CFAP74: variants seen among roughly 807,000 people sequenced by gnomAD.
CFAP74 encodes the protein cilia and flagella associated protein 74.
Under a neutral mutation model 188.9 loss-of-function variants are expected in CFAP74, and 124 were observed. The ratio of observed to expected loss-of-function variants is 0.66; its 90% confidence interval spans 0.57 to 0.76. The LOEUF is 0.76. Among genes scored for constraint, CFAP74 ranks in the 30% least tolerant of loss-of-function variants. CFAP74 has a pLI of 0.00. For missense variants in CFAP74, 2,198 were observed against 2,165.2 expected, an observed-to-expected ratio of 1.02 and a Z score of -0.30; for synonymous variants, 956 against 916.7, an observed-to-expected ratio of 1.04 and a Z score of -0.77.
chr1:1,952,068 C>T (rs1229592412), intron 18 of CFAP74, among the ~76,000 whole-genome samples: 1 of 152,206 alleles, frequency 6.6e-6, no homozygotes, highest in Non-Finnish European at 1.5e-5. Flanking sequence ...TCTCCTGTCT[C>T]AGCCTCCGGA....
At chr1:2,000,704 A>C (rs1658164565) in intron 1 of CFAP74, among the ~76,000 whole-genome samples, 1 of 151,776 alleles carries the variant, frequency 6.6e-6, no homozygotes, top group Admixed American at 6.6e-5. Context: ...CTCTGTGTGC[A>C]TTTGTATGTC....
chr1:1,941,626 G>C (rs989715332), intron 22 of CFAP74, among the ~76,000 whole-genome samples: 4 of 152,138 alleles, frequency 2.6e-5, no homozygotes, highest in African/African-American at 4.8e-5. Context: ...GACAGCGGGG[G>C]AGTGCACGGA....
rs541569399 is a variant in CFAP74 at position 1,957,772 on chromosome 1, G to A, written c.1852-988C>T. The stretch of plus-strand genomic sequence containing the variant: ...GCCGGAGCCTGGCTGTCTGCGGGGG[G>A]GCGGGGGACTTCCTGCTGCCCCTGG... On this transcript the variant is annotated intron_variant, in intron 16 of 38. Transcript: ENST00000682832. Among the ~76,000 whole-genome samples, 19 of 150,712 alleles carry A rather than the reference G, an allele frequency of 1.3e-4. No individual in the cohort carries two copies. In the East Asian group the frequency reaches 3.7e-3, roughly 30 times the overall value.
intron 20 of CFAP74, among the ~76,000 whole-genome samples, chr1:1,945,170 G>C (rs1558010308): frequency 6.6e-6 from 1 of 152,070 alleles, no homozygotes; most frequent in African/African-American, 2.4e-5. Flanking sequence ...AGCCAGGCAT[G>C]GTGGTGTGTG....
chr1:1,991,197 C>T (rs1017293091), intron 1 of CFAP74, among the ~76,000 whole-genome samples: 8 of 152,138 alleles, frequency 5.3e-5, no homozygotes, highest in African/African-American at 1.9e-4. Context: ...TCAAAGAGGC[C>T]GGGCGCGGTG....
intron 9 of CFAP74, 49 bp downstream of exon 9, chr1:1,971,930 AC>A (rs751574086): frequency 7.0e-7 from 1 of 1,435,326 alleles, no homozygotes; most frequent in Non-Finnish European, 9.7e-7. Context: ...CCAGGGACGG[AC>A]CCCGGCAGGG....
chr1:1,955,409 C>CCCGCCCTGTGCGGCT, intron 18 of CFAP74: 1 of 1,432,592 alleles, frequency 7.0e-7, no homozygotes, highest in Non-Finnish European at 9.3e-7. Flanking sequence ...GAGCCTCTTC[C>CCCGCCCTGTGCGGCT]CCGCCCTGTG....
Position 1,923,847 on chromosome 1 carries a change from G to C in CFAP74, c.4317C>G (p.Phe1439Leu). 6.2e-7 allele frequency: 1 copy of C among 1,613,434 alleles called. No individual in the cohort carries two copies. The highest frequency in any genetic ancestry group is 2.2e-5 in the East Asian group (1 of 44,876). Residue 1439 changes from phenylalanine (F) to leucine (L), a missense_variant, in exon 35 of 39, where the codon TTC (phenylalanine) becomes TTG (leucine). Transcript: ENST00000682832. This position sits in a 1 kb window ranked among gnomAD's most constrained non-coding sequence, Gnocchi z 6.3. Reference protein sequence around the residue: ...GVMDPGKTQDFTVTFSPDHES... With the variant: ...GVMDPGKTQDLTVTFSPDHES... ...CGTGGTCGGGGCTGAAGGTGACAGT[G>C]AAGTCTTGTGTCTTCCCGGGGTCCA...
intron 25 of CFAP74, among the ~76,000 whole-genome samples, chr1:1,938,213 A>G (rs56654033): frequency 6.5e-5 from 9 of 138,208 alleles, no homozygotes; most frequent in African/African-American, 2.2e-4. Context: ...GCTCACACAT[A>G]CATGCACTCA....
chr1:1,923,657 C>T lies in CFAP74; in HGVS notation c.4389+118G>A. ...TCCACTGACGGCCCTCAGTGTGGTG[C>T]TGAGTCCCCCAGCCATGGTACCCTC... On this transcript the variant is annotated intron_variant, in intron 35 of 38. Coordinates refer to ENST00000682832, the MANE Select transcript of CFAP74 (RefSeq NM_001304360.2). The surrounding 1 kb of genome is among the most constrained non-coding windows in gnomAD (Gnocchi z 6.3). 6.5e-7 allele frequency: 1 copy of T among 1,549,434 alleles called. No individual in the cohort carries two copies. Among genetic ancestry groups the T allele is most frequent in the African/African-American group, 1.4e-5 (1 of 73,454 alleles).
chr1:1,969,274 T>A (rs1292250075), intron 10 of CFAP74, among the ~76,000 whole-genome samples: 3 of 49,858 alleles, frequency 6.0e-5, no homozygotes, highest in Non-Finnish European at 1.1e-4. Flanking sequence ...AGCCCTGCCC[T>A]GCCCTGCCCA....
At chr1:1,989,847 T>C (rs1253573459) in intron 2 of CFAP74, among the ~76,000 whole-genome samples, 4 of 152,192 alleles carry the variant, frequency 2.6e-5, no homozygotes, top group African/African-American at 9.7e-5. Context: ...TCTAACTTGA[T>C]GGTTCTCAAA....
At chr1:1,986,643 C>T (rs1178935277) in intron 5 of CFAP74, among the ~76,000 whole-genome samples, 1 of 152,240 alleles carries the variant, frequency 6.6e-6, no homozygotes, top group Non-Finnish European at 1.5e-5. Context: ...CCTCTCACCT[C>T]TCACCTCGCC....
At chr1:1,922,917 C>G in intron 37 of CFAP74, 68 bp downstream of exon 37, 1 of 1,516,380 alleles carries the variant, frequency 6.6e-7, no homozygotes. Flanking sequence ...CCAGGAGGGT[C>G]AGGGCTGCCC....
intron 18 of CFAP74, among the ~76,000 whole-genome samples, chr1:1,951,296 T>C (rs1401007717): frequency 6.6e-6 from 1 of 152,158 alleles, no homozygotes; most frequent in Non-Finnish European, 1.5e-5. Context: ...ATCACTTTCC[T>C]CTCTCCACAC....
rs370006166 is a variant in CFAP74 at position 1,932,087 on chromosome 1, CAA to C, written c.3012-1753_3012-1752del. 1.3e-4 allele frequency among the ~76,000 whole-genome samples: 7 copies of C among 53,688 alleles called. 1 individual carries two copies. The Admixed American group carries it at 2.0e-3, about 16-fold the overall frequency. 35.2% of individuals were successfully genotyped at this position (53,688 alleles called of 152,430 possible). On this transcript the variant is annotated intron_variant, in intron 25 of 38. Coordinates refer to ENST00000682832, the MANE Select transcript of CFAP74 (RefSeq NM_001304360.2). ...GCCTCAAAAAAAAAAAAACAAAAAA[CAA>C]AAAACAAAAAACTTAGAAAAATGTA...
At chr1:1,947,619 C>A (rs751535982) in intron 18 of CFAP74, among the ~76,000 whole-genome samples, 1 of 152,196 alleles carries the variant, frequency 6.6e-6, no homozygotes, top group Non-Finnish European at 1.5e-5. Context: ...GACTTTGCAC[C>A]TGAACAGAGG....
At chr1:1,972,592 T>A (rs991580502) in intron 8 of CFAP74, among the ~76,000 whole-genome samples, 1 of 152,224 alleles carries the variant, frequency 6.6e-6, no homozygotes, top group Admixed American at 6.5e-5. Context: ...ACGCCTGTAA[T>A]CCCGGCACTT....
intron 18 of CFAP74, among the ~76,000 whole-genome samples, chr1:1,951,298 T>C (rs1019126712): frequency 2.6e-5 from 4 of 152,122 alleles, no homozygotes; most frequent in African/African-American, 7.2e-5. Flanking sequence ...CACTTTCCTC[T>C]CTCCACACGT....
Sources: gnomAD v4.1 joint callset for allele counts (sites outside exome capture counted in the v4.1 genomes callset) on GRCh38, gnomAD v4.1.1 for gene constraint, Gnocchi (gnomAD v3.1) non-coding constraint, MANE v1.5 for transcripts, NCBI Gene and HGNC (gene_info 2026-07-23, HGNC 2026-07-21) for gene names.